SGCD: variants seen among roughly 807,000 people sequenced by gnomAD.
The protein encoded by SGCD is delta-sarcoglycan.
A neutral mutation model predicts 36.6 loss-of-function variants in SGCD; 18 were observed. The ratio of observed to expected loss-of-function variants is 0.49; its 90% CI spans 0.34 to 0.73. The LOEUF (loss-of-function observed/expected upper bound fraction) is 0.73, where lower values mean the gene tolerates loss of function less well. Among genes scored for constraint, SGCD ranks in the 30% least tolerant of loss-of-function variants. The pLI is 0.01. For synonymous variants in SGCD, 133 were observed against 130.6 expected (o/e 1.02, Z -0.12); for missense variants, 387 against 346.7 (o/e 1.12, Z -0.92).
intron 1 of SGCD, among the ~76,000 whole-genome samples, chr5:155,919,442 A>G (rs1266292304): frequency 6.6e-6 from 1 of 152,214 alleles, no homozygotes; most frequent in Non-Finnish European, 1.5e-5. Context: ...ATTCTAGTTC[A>G]GTCTTCCACC....
chr5:155,786,466 T>C, the SGCD span, among the ~76,000 whole-genome samples: 1 of 152,068 alleles, frequency 6.6e-6, no homozygotes, highest in African/African-American at 2.4e-5. Flanking sequence ...GAAACAGTCA[T>C]GGTGGTGTAG....
At chr5:155,922,771 A>C (rs1259996334) in intron 1 of SGCD, among the ~76,000 whole-genome samples, 1 of 152,174 alleles carries the variant, frequency 6.6e-6, no homozygotes, top group Non-Finnish European at 1.5e-5. Flanking sequence ...GAAGTACATT[A>C]AACCAAGCTG....
intron 3 of SGCD, among the ~76,000 whole-genome samples, chr5:156,286,919 G>A (rs1766619973): frequency 1.3e-5 from 2 of 152,060 alleles, no homozygotes; most frequent in Non-Finnish European, 2.9e-5. Flanking sequence ...GGCATAGGAT[G>A]ATCTCTTTTT....
In SGCD at chr5:156,723,072, G is replaced by T. The variant is rs532319886; in HGVS notation, c.576-34509G>T. On this transcript the variant is annotated intron_variant, in intron 7 of 8. Transcript: ENST00000337851. ...TCTGAGTAGTCCTTTGCCTAGAGAG[G>T]GTTAAAAGCTTCTGTAATGCCAGCA... 9.2e-5 allele frequency among the ~76,000 whole-genome samples: 14 copies of T among 152,226 alleles called. No homozygotes were observed. In the South Asian group the frequency reaches 2.9e-3, roughly 32 times the overall value.
intron 1 of SGCD, among the ~76,000 whole-genome samples, chr5:156,091,089 A>G (rs1316330267): frequency 1.3e-5 from 2 of 152,236 alleles, no homozygotes; most frequent in Non-Finnish European, 2.9e-5. Flanking sequence ...ATACATCCTC[A>G]GCTTACGAAG....
At chr5:156,554,577 G>T (rs1227184002) in intron 4 of SGCD, among the ~76,000 whole-genome samples, 1 of 149,486 alleles carries the variant, frequency 6.7e-6, no homozygotes, top group Non-Finnish European at 1.5e-5. Context: ...CCAAAAAAAA[G>T]TATGCATATG....
chr5:156,245,358 T>C (rs1202661775), intron 3 of SGCD, among the ~76,000 whole-genome samples: 5 of 152,306 alleles, frequency 3.3e-5, no homozygotes, highest in African/African-American at 1.2e-4. Flanking sequence ...AAATGCCAGC[T>C]AATAAATGAA....
chr5:156,693,442 C>T (rs959922142), intron 7 of SGCD, among the ~76,000 whole-genome samples: 2 of 152,176 alleles, frequency 1.3e-5, no homozygotes, highest in African/African-American at 2.4e-5. Flanking sequence ...ATGAACTGAC[C>T]TCTATACCTT....
At chr5:156,618,217 A>G (rs1762093572) in intron 6 of SGCD, among the ~76,000 whole-genome samples, 1 of 152,228 alleles carries the variant, frequency 6.6e-6, no homozygotes, top group African/African-American at 2.4e-5. Flanking sequence ...CGAATCTAAT[A>G]GTAACATTTG....
chr5:156,119,581 T>C (rs1007944038), intron 2 of SGCD, among the ~76,000 whole-genome samples: 1 of 152,090 alleles, frequency 6.6e-6, no homozygotes, highest in Non-Finnish European at 1.5e-5. Flanking sequence ...TCTGTTGGCA[T>C]AGTTTTAAAT....
chr5:156,581,879 T>C (rs146687863), intron 4 of SGCD, among the ~76,000 whole-genome samples: 132 of 152,320 alleles, frequency 8.7e-4, no homozygotes, highest in Non-Finnish European at 1.4e-3. Flanking sequence ...TGTGCTTCCC[T>C]GGTGAGGCGA....
chr5:156,221,561 A>T (rs971558993), intron 3 of SGCD, among the ~76,000 whole-genome samples: 9 of 148,832 alleles, frequency 6.0e-5, no homozygotes, highest in East Asian at 3.9e-4. Context: ...AATGAGATTT[A>T]AAAAAAAAAC....
intron 3 of SGCD, among the ~76,000 whole-genome samples, chr5:156,210,006 T>C (rs1764396089): frequency 6.6e-6 from 1 of 152,128 alleles, no homozygotes; most frequent in Non-Finnish European, 1.5e-5. Flanking sequence ...CAGTATCAGG[T>C]CATCTCCTGT....
chr5:156,134,608 A>G (rs941997659), intron 3 of SGCD, among the ~76,000 whole-genome samples: 4 of 151,018 alleles, frequency 2.6e-5, no homozygotes, highest in Admixed American at 2.0e-4. Context: ...AGAAAACCAA[A>G]CACCACAGGT....
At chr5:156,393,285 A>G (rs1580920703) in intron 3 of SGCD, among the ~76,000 whole-genome samples, 2 of 152,348 alleles carry the variant, frequency 1.3e-5, no homozygotes, top group South Asian at 2.1e-4. Context: ...CAAGAATCCT[A>G]TAGACTACAT....
intron 3 of SGCD, among the ~76,000 whole-genome samples, chr5:156,257,892 GC>G (rs1765756725): frequency 6.6e-6 from 1 of 151,966 alleles, no homozygotes; most frequent in Admixed American, 6.6e-5. Context: ...ACAAAAGAAT[GC>G]CCTTGATGAA....
At chr5:156,610,678 G>A (rs12519349) in intron 6 of SGCD, among the ~76,000 whole-genome samples, 15,972 of 152,286 alleles carry the variant, frequency 0.1, 1,128 homozygotes, top group Admixed American at 0.17. Context: ...CTTGAGCTGC[G>A]GTGGGCTCCA....
chr5:156,751,735 A>G (rs1205674948), intron 7 of SGCD, among the ~76,000 whole-genome samples: 1 of 152,270 alleles, frequency 6.6e-6, no homozygotes, highest in African/African-American at 2.4e-5. Context: ...GCAGTTTTAA[A>G]AGACAATGGC....
intron 3 of SGCD, among the ~76,000 whole-genome samples, chr5:156,392,922 C>T (rs774949326): frequency 2.0e-5 from 3 of 152,124 alleles, no homozygotes; most frequent in Non-Finnish European, 4.4e-5. Flanking sequence ...GTGTGTCTGC[C>T]TGCTTGCTTG....
Sources: gnomAD v4.1 joint callset for allele counts (sites outside exome capture counted in the v4.1 genomes callset) on GRCh38, gnomAD v4.1.1 for gene constraint, MANE v1.5 for transcripts, NCBI Gene and HGNC (gene_info 2026-07-23, HGNC 2026-07-21) for gene names.